Variants in GAS7 observed in about 807,000 individuals in gnomAD.
GAS7 encodes growth arrest-specific protein 7.
Under a neutral mutation model 71.1 loss-of-function variants are expected in GAS7, and 28 were observed. The ratio of observed to expected loss-of-function variants is 0.39; its 90% CI spans 0.29 to 0.54. GAS7 has a LOEUF of 0.54. Among genes scored for constraint, GAS7 ranks in the 20% least tolerant of loss-of-function variants. The pLI is 0.62. For missense variants in GAS7, 436 were observed against 627.8 expected (o/e 0.69, Z 3.27); for synonymous variants, 258 against 245.8 (o/e 1.05, Z -0.46).
chr17:10,146,713 G>A lies in GAS7; in HGVS notation c.183+51495C>T, dbSNP rs372510529. ...AGCGTAAAGATCTCTGGCCGGGCGC[G>A]GTGGCTCACACCTGTAATCCCAGCA... On this transcript the variant is annotated intron_variant, in intron 1 of 13. Coordinates refer to ENST00000432992, the MANE Select transcript of GAS7 (RefSeq NM_201433.2). 9.2e-5 allele frequency among the ~76,000 whole-genome samples: 14 copies of A among 152,242 alleles called. 1 individual carries two copies. Among genetic ancestry groups the A allele is most frequent in the South Asian group, 8.3e-4 (4 of 4,828 alleles).
intron 1 of GAS7, among the ~76,000 whole-genome samples, chr17:10,091,396 T>A (rs1046630697): frequency 6.6e-6 from 1 of 151,950 alleles, no homozygotes; most frequent in Non-Finnish European, 1.5e-5. Context: ...TTGGGTTTTG[T>A]TTGTTTGTTT....
intron 1 of GAS7, among the ~76,000 whole-genome samples, chr17:10,168,372 G>T (rs72810921): frequency 1.3e-5 from 2 of 152,264 alleles, no homozygotes; most frequent in East Asian, 3.9e-4. Flanking sequence ...TTCCACAGAG[G>T]CCTAGGGAAG....
In GAS7 at chr17:9,910,734, G is replaced by A. The variant is rs1354704491; in HGVS notation, c.*6494C>T. ...ACACAAATGCGGTAACAGGGGTCAG[G>A]GGGGTGGTGCGGGGGCAGGTGGGTT... is the stretch of plus-strand genomic sequence containing the variant. On this transcript the variant is annotated 3_prime_UTR_variant, in exon 14 of 14. Transcript: ENST00000432992. The A allele has an allele frequency of 2.2e-5, 5 of 222,336 alleles. No individual in the cohort carries two copies. The highest frequency in any genetic ancestry group is 4.5e-5 in the African/African-American group (2 of 44,680). The allele number at this position is 222,336 out of a possible 1,614,324, so 13.8% of individuals were successfully genotyped here. A position where few individuals can be genotyped will look rare whatever the true frequency, so the allele number is the denominator to read the frequency against.
chr17:10,020,249 T>C (rs1433061951), intron 1 of GAS7: 4 of 219,012 alleles, frequency 1.8e-5, no homozygotes, highest in Non-Finnish European at 3.7e-5. Context: ...CCACCTCCCA[T>C]TGTGAAATCT....
At chr17:10,040,559 GC>G (rs2072843832) in intron 1 of GAS7, among the ~76,000 whole-genome samples, 1 of 151,986 alleles carries the variant, frequency 6.6e-6, no homozygotes, top group South Asian at 2.1e-4. Flanking sequence ...GAGGAAACCG[GC>G]TATAGAATCC....
At chr17:9,923,256 A>C (rs1238901286) in intron 11 of GAS7, among the ~76,000 whole-genome samples, 1 of 152,024 alleles carries the variant, frequency 6.6e-6, no homozygotes, top group African/African-American at 2.4e-5. Flanking sequence ...AACAAAAAAA[A>C]AAAGTAAGAA....
intron 1 of GAS7, among the ~76,000 whole-genome samples, chr17:10,178,622 A>G (rs779556919): frequency 1.4e-5 from 2 of 147,152 alleles, no homozygotes; most frequent in Non-Finnish European, 3.0e-5. Flanking sequence ...ATCAGCATGC[A>G]TTAGTAATCT....
rs546839992 is a variant in GAS7 at position 10,086,297 on chromosome 17, G to A, written c.184-66400C>T. On this transcript the variant is annotated intron_variant, in intron 1 of 13. Coordinates refer to ENST00000432992, the MANE Select transcript of GAS7 (RefSeq NM_201433.2). ...GTGTGACTCATTTTTGGCAGTGCAG[G>A]AGTCCCGTCCACAGTCATTAGCTAA... is the stretch of plus-strand genomic sequence containing the variant. Among the ~76,000 whole-genome samples the A allele has an allele frequency of 3.2e-4, 49 of 152,324 alleles. No individual in the cohort carries two copies. In the South Asian group the frequency reaches 7.7e-3, roughly 24 times the overall value.
intron 8 of GAS7, 141 bp downstream of exon 8, chr17:9,939,985 A>G (rs2068543641): frequency 4.2e-6 from 3 of 705,920 alleles, no homozygotes. Flanking sequence ...TACCTGAGCC[A>G]TGAGTGCCCA....
chr17:10,002,182 C>A (rs1364598635), intron 2 of GAS7, among the ~76,000 whole-genome samples: 1 of 152,198 alleles, frequency 6.6e-6, no homozygotes, highest in South Asian at 2.1e-4. Flanking sequence ...AGCCAGAAAT[C>A]TGAAATCAAG....
At chr17:10,036,501 G>C (rs895033190) in intron 1 of GAS7, 8 of 1,612,552 alleles carry the variant, frequency 5.0e-6, no homozygotes, top group Non-Finnish European at 6.8e-6. Context: ...CCTGCCTGAA[G>C]CCCTCAGACT....
intron 1 of GAS7, among the ~76,000 whole-genome samples, chr17:10,115,674 CTT>C (rs975283924): frequency 6.6e-6 from 1 of 152,138 alleles, no homozygotes; most frequent in African/African-American, 2.4e-5. Flanking sequence ...TCTTTTCTTC[CTT>C]TCCTTTTTCC....
rs912696437 is a variant in GAS7 at position 10,026,802 on chromosome 17, C to T, written c.184-6905G>A. 3.3e-5 allele frequency among the ~76,000 whole-genome samples: 5 copies of T among 152,236 alleles called. No homozygotes were observed. Among genetic ancestry groups the T allele is most frequent in the Admixed American group, 6.5e-5 (1 of 15,286 alleles). On this transcript the variant is annotated intron_variant, in intron 1 of 13. Coordinates refer to ENST00000432992, the MANE Select transcript of GAS7 (RefSeq NM_201433.2). This position sits in a 1 kb window ranked among gnomAD's most constrained non-coding sequence, Gnocchi z 4.5. ...AGCTACCCGAGAAGGATACTCTCCT[C>T]CAGCTCTGGGTTAAGACACAAATCA... is the stretch of plus-strand genomic sequence containing the variant.
At chr17:9,968,545 G>A (rs1035763107) in intron 4 of GAS7, among the ~76,000 whole-genome samples, 5 of 152,280 alleles carry the variant, frequency 3.3e-5, no homozygotes, top group East Asian at 1.9e-4. Flanking sequence ...CTAACAGAAC[G>A]ACTTAATAAC....
At chr17:9,947,616 T>A (rs564715950) in intron 5 of GAS7, among the ~76,000 whole-genome samples, 1 of 152,038 alleles carries the variant, frequency 6.6e-6, no homozygotes, top group Non-Finnish European at 1.5e-5. Flanking sequence ...TAGTGGCGCA[T>A]GCGTGTAATC....
At chr17:10,142,456 C>T (rs2074090312) in intron 1 of GAS7, among the ~76,000 whole-genome samples, 1 of 152,124 alleles carries the variant, frequency 6.6e-6, no homozygotes, top group Non-Finnish European at 1.5e-5. Context: ...GTAACCTCTG[C>T]CTCCCAGGTT....
chr17:10,034,500 G>A lies in GAS7; in HGVS notation c.184-14603C>T, dbSNP rs149482664. Among the ~76,000 whole-genome samples the A allele has an allele frequency of 0.024, 3,664 of 152,036 alleles. 146 individuals carry two copies. Among genetic ancestry groups the A allele is most frequent in the African/African-American group, 0.083 (3,458 of 41,442 alleles). ...ATTTTTGTATTTTTAGTAGACACGG[G>A]GTTTCACCACGTTGACCAGGCTGGC... On this transcript the variant is annotated intron_variant, in intron 1 of 13. Coordinates refer to ENST00000432992, the MANE Select transcript of GAS7 (RefSeq NM_201433.2). This position sits in a 1 kb window ranked among gnomAD's most constrained non-coding sequence, Gnocchi z 4.4.
At chr17:10,019,661 A>G in intron 2 of GAS7, 116 bp downstream of exon 2, 1 of 1,013,172 alleles carries the variant, frequency 9.9e-7, no homozygotes, top group Non-Finnish European at 1.5e-6. Context: ...CTGAGCATAG[A>G]CTTAAGAAGA....
intron 3 of GAS7, among the ~76,000 whole-genome samples, chr17:9,971,997 G>C (rs1198764840): frequency 6.6e-6 from 1 of 152,192 alleles, no homozygotes; most frequent in Non-Finnish European, 1.5e-5. Context: ...ACATGCAGCT[G>C]AGTGCCTGTG....
Sources: allele counts gnomAD v4.1 joint callset (sites outside exome capture counted in the v4.1 genomes callset), GRCh38; gene constraint gnomAD v4.1.1; non-coding constraint Gnocchi (gnomAD v3.1); transcripts MANE v1.5; gene names NCBI Gene and HGNC (gene_info 2026-07-23, HGNC 2026-07-21).